SORCS1: variants seen among roughly 807,000 people sequenced by gnomAD.
SORCS1 encodes VPS10 domain-containing receptor SorCS1.
SORCS1 carries 60 observed loss-of-function variants against 146.1 expected under a neutral mutation model. The observed-to-expected ratio is 0.41, with a 90% confidence interval of 0.33 to 0.51. The LOEUF is 0.51. SORCS1 is among the 20% of genes least tolerant of loss of function. SORCS1 has a pLI of 0.21. For missense variants in SORCS1, 1,352 were observed against 1,487.6 expected, an observed-to-expected ratio of 0.91 and a Z score of 1.50; for synonymous variants, 637 against 584.0, an observed-to-expected ratio of 1.09 and a Z score of -1.31.
At chr10:107,031,078 C>T (rs1958629742) in intron 1 of SORCS1, among the ~76,000 whole-genome samples, 2 of 152,158 alleles carry the variant, frequency 1.3e-5, no homozygotes, top group African/African-American at 4.8e-5. Context: ...GACAGCTCAG[C>T]CTATGTGGAG....
Position 107,164,006 on chromosome 10 carries a change from T to G in SORCS1, c.521A>C (p.Asn174Thr), listed in dbSNP as rs1257721116. 1.2e-6 allele frequency: 2 copies of G among 1,614,058 alleles called. No homozygotes were observed. ...TFALTGDSAH[N>T]QAMVHWSGHN... is the part of the protein sequence containing the mutation. ...GCCAGACCAGTGGACCATGGCTTGG[T>G]TGTGTGCTGAGTCTCCCGTCAGCGC... Residue 174 changes from asparagine (N) to threonine (T), a missense_variant, in exon 1 of 26, where the codon AAC (asparagine) becomes ACC (threonine). Asn to Thr is a moderately conservative substitution (Grantham distance 65). This residue lies in a region of SORCS1 where 490 missense variants were observed against 489.1 expected (regional missense o/e 1.00). Transcript: ENST00000263054. The surrounding 1 kb of genome is among the most constrained non-coding windows in gnomAD (Gnocchi z 6.8).
At chr10:107,019,505 G>C (rs1958040392) in intron 1 of SORCS1, among the ~76,000 whole-genome samples, 1 of 152,152 alleles carries the variant, frequency 6.6e-6, no homozygotes, top group Admixed American at 6.5e-5. Context: ...CAATCAGATT[G>C]CAAAGTTCCA....
At chr10:106,968,306 C>G (rs911242532) in intron 1 of SORCS1, among the ~76,000 whole-genome samples, 7 of 152,210 alleles carry the variant, frequency 4.6e-5, no homozygotes, top group African/African-American at 1.7e-4. Flanking sequence ...GAGAAATTCT[C>G]TTCCAACTTC....
intron 1 of SORCS1, among the ~76,000 whole-genome samples, chr10:107,107,969 T>TA (rs1965419297): frequency 6.6e-6 from 1 of 152,194 alleles, no homozygotes; most frequent in Non-Finnish European, 1.5e-5. Flanking sequence ...TAGACACTCT[T>TA]AGCTGTGGAC....
intron 1 of SORCS1, among the ~76,000 whole-genome samples, chr10:107,000,363 G>A (rs1323408114): frequency 1.3e-5 from 2 of 151,888 alleles, no homozygotes; most frequent in East Asian, 3.9e-4. Flanking sequence ...ACTTTGGGAC[G>A]CCGAGGCGTG....
chr10:106,997,838 G>C (rs1957063613), intron 1 of SORCS1, among the ~76,000 whole-genome samples: 1 of 152,140 alleles, frequency 6.6e-6, no homozygotes, highest in Non-Finnish European at 1.5e-5. Context: ...TTTCTCCACT[G>C]TCTCCCAAGC....
At chr10:106,839,433 T>C (rs148291998) in intron 2 of SORCS1, among the ~76,000 whole-genome samples, 3 of 152,316 alleles carry the variant, frequency 2.0e-5, no homozygotes. Context: ...TCCTCAACTC[T>C]ATGAAGGCCA....
chr10:107,051,270 G>A (rs1807676817), intron 1 of SORCS1, among the ~76,000 whole-genome samples: 1 of 152,066 alleles, frequency 6.6e-6, no homozygotes, highest in African/African-American at 2.4e-5. Context: ...GCCTAAAGTT[G>A]ATGTAATACT....
intron 3 of SORCS1, among the ~76,000 whole-genome samples, chr10:106,820,978 T>A (rs937676039): frequency 5.3e-5 from 8 of 152,190 alleles, no homozygotes; most frequent in African/African-American, 1.9e-4. Context: ...TCAGAGAACA[T>A]GAGCTCTAAT....
intron 1 of SORCS1, among the ~76,000 whole-genome samples, chr10:107,017,054 C>A (rs1229054252): frequency 1.3e-5 from 2 of 152,196 alleles, no homozygotes; most frequent in African/African-American, 2.4e-5. Context: ...TCCTACATGG[C>A]TGATGGAACT....
chr10:107,074,402 T>TA (rs1962708360), intron 1 of SORCS1, among the ~76,000 whole-genome samples: 2 of 152,204 alleles, frequency 1.3e-5, no homozygotes, highest in African/African-American at 4.8e-5. Context: ...TGAGTAATAC[T>TA]CCATTTTCTG....
At chr10:106,957,861 T>G (rs1449717142) in intron 1 of SORCS1, among the ~76,000 whole-genome samples, 1 of 152,190 alleles carries the variant, frequency 6.6e-6, no homozygotes, top group Non-Finnish European at 1.5e-5. Flanking sequence ...CGAACATTTA[T>G]TAAACATTTA....
chr10:106,902,740 A>G (rs909396264), intron 2 of SORCS1, among the ~76,000 whole-genome samples: 1 of 152,238 alleles, frequency 6.6e-6, no homozygotes, highest in African/African-American at 2.4e-5. Flanking sequence ...TAGGAATTAA[A>G]CCTATAGGTG....
At chr10:107,030,552 T>C (rs1181375470) in intron 1 of SORCS1, among the ~76,000 whole-genome samples, 1 of 152,220 alleles carries the variant, frequency 6.6e-6, no homozygotes. Flanking sequence ...TAAGAGGTTT[T>C]AAAGCTGAAT....
intron 1 of SORCS1, among the ~76,000 whole-genome samples, chr10:107,100,375 G>C (rs1004497038): frequency 6.6e-6 from 1 of 152,012 alleles, no homozygotes; most frequent in East Asian, 1.9e-4. Context: ...TTAGCTGGGC[G>C]TGGTGGCGGG....
chr10:106,957,454 G>A (rs1003340167), intron 1 of SORCS1, among the ~76,000 whole-genome samples: 4 of 152,026 alleles, frequency 2.6e-5, no homozygotes, highest in Non-Finnish European at 1.5e-5. Context: ...TTACAGGTGT[G>A]AGCCACCGCA....
chr10:106,731,954 T>C (rs919664762), intron 5 of SORCS1, among the ~76,000 whole-genome samples: 1 of 152,110 alleles, frequency 6.6e-6, no homozygotes, highest in Non-Finnish European at 1.5e-5. Context: ...GAAGGGGCTA[T>C]AAAGGTCTGC....
At chr10:106,801,604 C>T (rs1002784887) in intron 3 of SORCS1, among the ~76,000 whole-genome samples, 3 of 148,814 alleles carry the variant, frequency 2.0e-5, no homozygotes, top group Non-Finnish European at 3.0e-5. Flanking sequence ...TCTCGGCTCA[C>T]TGCAAAGCTC....
intron 19 of SORCS1, among the ~76,000 whole-genome samples, chr10:106,624,188 T>A (rs1175395074): frequency 6.6e-6 from 1 of 152,066 alleles, no homozygotes; most frequent in Admixed American, 6.6e-5. Context: ...GCAACCTGAA[T>A]AAAGTGAAAG....
Sources: gnomAD v4.1 joint callset for allele counts (sites outside exome capture counted in the v4.1 genomes callset) on GRCh38, gnomAD v4.1.1 for gene constraint, gnomAD v4.1.1 regional missense constraint, Gnocchi (gnomAD v3.1) non-coding constraint, MANE v1.5 for transcripts, NCBI Gene and HGNC (gene_info 2026-07-23, HGNC 2026-07-21) for gene names.